The following NTNG1 variants were observed in gnomAD, a reference collection of about 807,000 sequenced individuals.
NTNG1 encodes the protein netrin-G1.
NTNG1 carries 16 observed loss-of-function variants against 54.0 expected under a neutral mutation model. That is an observed-to-expected ratio of 0.30 (90% CI 0.20 to 0.45). The LOEUF is 0.45. NTNG1 is among the 20% of genes least tolerant of loss of function. The pLI is 1.00. For missense variants in NTNG1, 530 were observed against 678.7 expected (o/e 0.78, Z 2.43); for synonymous variants, 255 against 263.1 (o/e 0.97, Z 0.30).
intron 3 of NTNG1, among the ~76,000 whole-genome samples, chr1:107,380,724 C>CA (rs1671591935): frequency 1.3e-5 from 2 of 152,280 alleles, no homozygotes; most frequent in African/African-American, 4.8e-5. Context: ...CACCAGGCGC[C>CA]ATGGAAGGCC....
Position 107,430,765 on chromosome 1 carries a change from G to C in NTNG1, c.1103G>C (p.Gly368Ala), listed in dbSNP as rs755075585. The C allele has an allele frequency of 6.2e-7, 1 of 1,613,126 alleles. No homozygotes were observed. The highest frequency in any genetic ancestry group is 1.1e-5 in the South Asian group (1 of 91,050). Residue 368 changes from glycine to alanine, a missense_variant, in exon 6 of 8, where the codon GGC (glycine) becomes GCC (alanine). By Grantham distance (60) the Gly-to-Ala change is moderately conservative (BLOSUM62 0). Coordinates refer to ENST00000370068, the MANE Select transcript of NTNG1 (RefSeq NM_001113226.3). ...TCCTTGCAAGATTGTGAATGCTTCG[G>C]CCACTCCAATCGATGCAGTTATATC... ...ISSIGNCECF[G>A]HSNRCSYIDL...
chr1:107,249,450 C>G (rs1303938791), intron 2 of NTNG1, among the ~76,000 whole-genome samples: 2 of 147,338 alleles, frequency 1.4e-5, no homozygotes, highest in Non-Finnish European at 3.0e-5. Context: ...CCATTGCACT[C>G]CAGCCTGGGC....
chr1:107,200,928 C>T (rs986891472), intron 2 of NTNG1, among the ~76,000 whole-genome samples: 5 of 151,764 alleles, frequency 3.3e-5, no homozygotes, highest in Non-Finnish European at 7.4e-5. Context: ...TTATTGATAT[C>T]CCTCCCTTGA....
chr1:107,178,513 G>A lies in NTNG1; in HGVS notation c.246+29674G>A, dbSNP rs1005850618. On this transcript the variant is annotated intron_variant, in intron 2 of 7. Transcript: ENST00000370068. ...TCCTAGGTAGGACCCATAGTTTCCC[G>A]TGTCTTTCTAGTTTTTGTTTTATCT... 6.6e-5 allele frequency among the ~76,000 whole-genome samples: 10 copies of A among 151,312 alleles called. No homozygotes were observed. In the East Asian group the frequency reaches 9.7e-4, roughly 15 times the overall value.
At chr1:107,353,067 C>T (rs982437965) in intron 3 of NTNG1, among the ~76,000 whole-genome samples, 1 of 152,198 alleles carries the variant, frequency 6.6e-6, no homozygotes, top group Admixed American at 6.5e-5. Flanking sequence ...CAAGGCTGTT[C>T]CCCCATTGTC....
intron 3 of NTNG1, among the ~76,000 whole-genome samples, chr1:107,367,666 C>T (rs1004079181): frequency 6.6e-6 from 1 of 152,022 alleles, no homozygotes; most frequent in South Asian, 2.1e-4. Flanking sequence ...CCAAATTTCC[C>T]CTAGTCCTTA....
intron 2 of NTNG1, among the ~76,000 whole-genome samples, chr1:107,176,997 A>G (rs1221674454): frequency 6.6e-6 from 1 of 152,154 alleles, no homozygotes; most frequent in Non-Finnish European, 1.5e-5. Flanking sequence ...GATATTGCCA[A>G]ATATCCTCTG....
chr1:107,390,737 G>A (rs746100435), intron 3 of NTNG1, among the ~76,000 whole-genome samples: 9 of 152,168 alleles, frequency 5.9e-5, no homozygotes, highest in South Asian at 2.1e-4. Flanking sequence ...TGTCTTAATC[G>A]TCTAAGTTTT....
rs1276703629 is a variant in NTNG1 at position 107,154,624 on chromosome 1, A to C, written c.246+5785A>C. Among the ~76,000 whole-genome samples, 5 of 128,232 alleles carry C rather than the reference A, an allele frequency of 3.9e-5. No homozygotes were observed. In the East Asian group the frequency reaches 1.1e-3, roughly 29 times the overall value. The allele number at this position is 128,232 out of a possible 152,430, so 84.1% of individuals were successfully genotyped here. On this transcript the variant is annotated intron_variant, in intron 2 of 7. Coordinates refer to ENST00000370068, the MANE Select transcript of NTNG1 (RefSeq NM_001113226.3). ...AAAAAAAAAAAAAAAAAAAAAAAAA[A>C]CTGGGTGGAGCAGATGGTGGCACAG...
intron 2 of NTNG1, among the ~76,000 whole-genome samples, chr1:107,196,605 C>G (rs868826718): frequency 5.5e-4 from 84 of 152,028 alleles, no homozygotes; most frequent in African/African-American, 2.0e-3. Flanking sequence ...CCTTTCTCTG[C>G]TTCAACTTCC....
intron 7 of NTNG1, among the ~76,000 whole-genome samples, chr1:107,445,216 C>T (rs761951333): frequency 2.6e-5 from 4 of 151,988 alleles, no homozygotes; most frequent in South Asian, 4.2e-4. Flanking sequence ...GATTTGGAGT[C>T]GGGGTCTTGT....
In NTNG1 at chr1:107,431,021, G is replaced by A. The variant is rs995072560; in HGVS notation, c.1255+104G>A. 9.9e-6 allele frequency: 10 copies of A among 1,009,744 alleles called. No individual in the cohort carries two copies. The African/African-American group carries it at 1.4e-4, about 15-fold the overall frequency. The allele number at this position is 1,009,744 out of a possible 1,614,324, so 62.5% of individuals were successfully genotyped here. Reference sequence around the variant, plus strand: ...ATTTGCACCGCGGTTGAGCCAGAATGAACTTTCTCAATGTAGAAAATATCC... The same window carrying A: ...ATTTGCACCGCGGTTGAGCCAGAATAAACTTTCTCAATGTAGAAAATATCC... On this transcript the variant is annotated intron_variant, in intron 6 of 7. Transcript: ENST00000370068.
intron 2 of NTNG1, among the ~76,000 whole-genome samples, chr1:107,245,377 CA>C: frequency 6.6e-6 from 1 of 152,272 alleles, no homozygotes; most frequent in East Asian, 1.9e-4. Context: ...GGTAAATAGG[CA>C]TTTCCAGCTT....
chr1:107,198,567 G>C (rs1441066429), intron 2 of NTNG1, among the ~76,000 whole-genome samples: 1 of 151,888 alleles, frequency 6.6e-6, no homozygotes, highest in Non-Finnish European at 1.5e-5. Context: ...TTGTGTGTCT[G>C]CTTCTTTTGT....
chr1:107,168,972 A>G (rs570946199), intron 2 of NTNG1, among the ~76,000 whole-genome samples: 69 of 152,310 alleles, frequency 4.5e-4, no homozygotes, highest in African/African-American at 1.6e-3. Context: ...ATCTGTACCC[A>G]TATTTAATGT....
In NTNG1 at chr1:107,472,341, C is replaced by T. The variant is rs557028113; in HGVS notation, c.1391-8270C>T. On this transcript the variant is annotated intron_variant, in intron 7 of 7. Coordinates refer to ENST00000370068, the MANE Select transcript of NTNG1 (RefSeq NM_001113226.3). ...AACACTTTGCCTTCAAAATGATAGG[C>T]TTTCCATTAAAAATATTCATGCAAA... 3.9e-5 allele frequency among the ~76,000 whole-genome samples: 6 copies of T among 152,304 alleles called. No individual in the cohort carries two copies. The South Asian group carries it at 1.2e-3, about 32-fold the overall frequency.
intron 2 of NTNG1, among the ~76,000 whole-genome samples, chr1:107,176,670 A>T (rs1656674791): frequency 6.6e-6 from 1 of 152,138 alleles, no homozygotes; most frequent in Admixed American, 6.6e-5. Context: ...GGATAAACGG[A>T]ATGTGATTTT....
At position 107,310,097 on chromosome 1, in the gene NTNG1, C is replaced by G; in HGVS notation, c.247-14185C>G. On this transcript the variant is annotated intron_variant, in intron 2 of 7. Coordinates refer to ENST00000370068, the MANE Select transcript of NTNG1 (RefSeq NM_001113226.3). ...AAGGGTGTTGAATGGTCATTGATTC[C>G]TTCTCCATTTCAAAAAAGAGAATGT... Among the ~76,000 whole-genome samples, 2 of 152,130 alleles carry G rather than the reference C, an allele frequency of 1.3e-5. 1 individual carries two copies. The highest frequency in any genetic ancestry group is 6.3e-3 in the Middle Eastern group (2 of 316).
intron 2 of NTNG1, among the ~76,000 whole-genome samples, chr1:107,233,630 C>G (rs1403082305): frequency 6.6e-6 from 1 of 152,128 alleles, no homozygotes; most frequent in Non-Finnish European, 1.5e-5. Flanking sequence ...CATGGTCTTT[C>G]ACTGTTCCCC....
Sources: gnomAD v4.1 joint callset for allele counts (sites outside exome capture counted in the v4.1 genomes callset) on GRCh38, gnomAD v4.1.1 for gene constraint, MANE v1.5 for transcripts, NCBI Gene and HGNC (gene_info 2026-07-23, HGNC 2026-07-21) for gene names.